Variants in ORC2 observed in about 807,000 individuals in gnomAD.
ORC2 encodes origin recognition complex subunit 2.
A neutral mutation model predicts 77.7 loss-of-function variants in ORC2; 37 were observed. The ratio of observed to expected loss-of-function variants is 0.48; its 90% CI spans 0.37 to 0.63. ORC2 has a LOEUF of 0.63. Among genes scored for constraint, ORC2 ranks in the 20% least tolerant of loss-of-function variants. The probability of loss-of-function intolerance (pLI) is 0.00; values close to 1 mark genes in which losing one functional copy is unlikely to be tolerated. For synonymous variants in ORC2, 201 were observed against 229.5 expected (o/e 0.88, Z 1.12); for missense variants, 557 against 661.9 (o/e 0.84, Z 1.74).
At chr2:200,933,103 C>T (rs969596441) in intron 10 of ORC2, among the ~76,000 whole-genome samples, 2 of 152,024 alleles carry the variant, frequency 1.3e-5, no homozygotes, top group East Asian at 3.8e-4. Context: ...ATCCGAGTCT[C>T]AATACCAATG....
Position 200,920,323 on chromosome 2 carries a change from A to T in ORC2, c.1365T>A (p.Thr455=). 1 of 1,613,684 alleles carries T rather than the reference A, an allele frequency of 6.2e-7. No homozygotes were observed. Among genetic ancestry groups the T allele is most frequent in the Non-Finnish European group, 8.5e-7 (1 of 1,179,638 alleles). Residue 455 remains threonine (T), a synonymous_variant, in exon 15 of 18, where the codon ACT becomes ACA. Transcript: ENST00000234296. ...WYETTTYSPY[T]EETSYENSLL... is the part of the protein sequence containing the mutation. ...GAGAGTTCTCATAGGAGGTTTCTTC[A>T]GTATAAGGACTGTATGTAGTAGTTT...
At chr2:200,955,624 AAC>A (rs1488713053) in intron 4 of ORC2, among the ~76,000 whole-genome samples, 1 of 152,226 alleles carries the variant, frequency 6.6e-6, no homozygotes, top group East Asian at 1.9e-4. Flanking sequence ...GTGAGAATAA[AAC>A]ACATGTACAT....
At chr2:200,947,578 AT>A (rs1243446646) in intron 5 of ORC2, among the ~76,000 whole-genome samples, 2 of 152,222 alleles carry the variant, frequency 1.3e-5, no homozygotes, top group African/African-American at 4.8e-5. Flanking sequence ...GATAATTATT[AT>A]ACTTTTGTTC....
intron 13 of ORC2, among the ~76,000 whole-genome samples, chr2:200,923,088 T>C (rs2040785854): frequency 6.6e-6 from 1 of 152,198 alleles, no homozygotes. Flanking sequence ...GTTTTAGGGT[T>C]CTGGGAAATA....
intron 1 of ORC2, among the ~76,000 whole-genome samples, chr2:200,961,258 C>A (rs1221794871): frequency 1.3e-5 from 2 of 152,156 alleles, no homozygotes; most frequent in African/African-American, 4.8e-5. Flanking sequence ...GATCTCAGCT[C>A]ACTGCAACAT....
intron 15 of ORC2, among the ~76,000 whole-genome samples, chr2:200,917,113 G>T (rs1343403927): frequency 6.7e-6 from 1 of 150,052 alleles, no homozygotes; most frequent in Non-Finnish European, 1.5e-5. Context: ...TCCCTCCTCA[G>T]CCTCCCAAGT....
chr2:200,949,149 G>A (rs535710625), intron 5 of ORC2, among the ~76,000 whole-genome samples: 10 of 151,876 alleles, frequency 6.6e-5, no homozygotes, highest in Non-Finnish European at 1.2e-4. Flanking sequence ...GCTGAGGCAG[G>A]AGAATTGCTT....
intron 11 of ORC2, among the ~76,000 whole-genome samples, chr2:200,927,142 GTGGCACTCTTGGCTCACTGCAA>G (rs2040852807): frequency 6.6e-6 from 1 of 151,744 alleles, no homozygotes; most frequent in South Asian, 2.1e-4. Context: ...CTGGAGTCCA[GTGGCACTCTTGGCTCACTGCAA>G]CCTCAGCCTC....
chr2:200,926,038 C>A, intron 12 of ORC2, 106 bp from the exon 13 acceptor site: 3 of 461,086 alleles, frequency 6.5e-6, no homozygotes, highest in South Asian at 3.4e-5. Flanking sequence ...TTTGGATTTC[C>A]CAAAAGTTTA....
chr2:200,947,511 G>A (rs1226367680), intron 5 of ORC2, among the ~76,000 whole-genome samples: 1 of 152,058 alleles, frequency 6.6e-6, no homozygotes, highest in Non-Finnish European at 1.5e-5. Flanking sequence ...ATATCCATAG[G>A]TGTTTTATAA....
intron 1 of ORC2, among the ~76,000 whole-genome samples, chr2:200,961,084 C>G (rs1453870098): frequency 6.6e-6 from 1 of 151,808 alleles, no homozygotes; most frequent in Non-Finnish European, 1.5e-5. Context: ...AGATTCCTAA[C>G]TTCCTGACCA....
chr2:200,928,544 T>C (rs2124967028), intron 11 of ORC2, among the ~76,000 whole-genome samples: 1 of 152,140 alleles, frequency 6.6e-6, no homozygotes, highest in South Asian at 2.1e-4. Flanking sequence ...CCAGGCGCAG[T>C]GGCTCACGCC....
chr2:200,914,766 AT>A, intron 15 of ORC2, among the ~76,000 whole-genome samples: 1 of 152,154 alleles, frequency 6.6e-6, no homozygotes, highest in Non-Finnish European at 1.5e-5. Context: ...ATATGAAAGT[AT>A]TTTTTTCTTA....
intron 15 of ORC2, among the ~76,000 whole-genome samples, chr2:200,915,382 C>A (rs901842214): frequency 6.6e-6 from 1 of 152,010 alleles, no homozygotes; most frequent in Non-Finnish European, 1.5e-5. Context: ...TACCATGTAC[C>A]ATAAACTTAC....
In ORC2 at chr2:200,913,994, TAAAAA is replaced by T; in HGVS notation, c.1467-7_1467-3del. Reference sequence around the variant, plus strand: ...TTTATTAGTAGCCTGAAAATTCCCCTAAAAAAAAAAAAAAACAGGAATTTAAATCC... The same window carrying T: ...TTTATTAGTAGCCTGAAAATTCCCCTAAAAAAAAAACAGGAATTTAAATCC... On this transcript the variant is annotated splice_polypyrimidine_tract_variant and splice_region_variant and intron_variant, in intron 15 of 17. Coordinates refer to ENST00000234296, the MANE Select transcript of ORC2 (RefSeq NM_006190.5). 5 of 1,289,982 alleles carry T rather than the reference TAAAAA, an allele frequency of 3.9e-6. No individual in the cohort carries two copies. The highest frequency in any genetic ancestry group is 5.3e-6 in the Non-Finnish European group (5 of 940,830). The allele number at this position is 1,289,982 out of a possible 1,614,324, so 79.9% of individuals were successfully genotyped here. A position where few individuals can be genotyped will look rare whatever the true frequency, so the allele number is the denominator to read the frequency against.
intron 1 of ORC2, 150 bp downstream of exon 1, chr2:200,963,339 GC>G: frequency 5.0e-6 from 2 of 397,690 alleles, no homozygotes; most frequent in Non-Finnish European, 8.9e-6. Context: ...CAAAGACCAT[GC>G]CCCAAGTGCC....
chr2:200,956,250 G>A (rs1204302420), intron 4 of ORC2, among the ~76,000 whole-genome samples: 1 of 150,824 alleles, frequency 6.6e-6, no homozygotes, highest in Non-Finnish European at 1.5e-5. Flanking sequence ...TTTTTTTTGA[G>A]ACAGGGTCTC....
At position 200,912,639 on chromosome 2, in the gene ORC2, C is replaced by T. The variant is rs187589829; in HGVS notation, c.1647+656G>A. Reference sequence around the variant, plus strand: ...GTCTCCTGTGTTGCCAGGCTGGTCTCGAACTCCTGGGCTCAAATGATCTAC... The same window carrying T: ...GTCTCCTGTGTTGCCAGGCTGGTCTTGAACTCCTGGGCTCAAATGATCTAC... On this transcript the variant is annotated intron_variant, in intron 17 of 17. Transcript: ENST00000234296. Among the ~76,000 whole-genome samples the T allele has an allele frequency of 2.6e-5, 4 of 151,818 alleles. No individual in the cohort carries two copies. The East Asian group carries it at 7.8e-4, about 30-fold the overall frequency.
intron 13 of ORC2, among the ~76,000 whole-genome samples, chr2:200,924,989 A>C (rs1230864724): frequency 1.3e-5 from 2 of 152,146 alleles, no homozygotes; most frequent in Non-Finnish European, 2.9e-5. Flanking sequence ...CGAACTCCTG[A>C]CCTCAGGTGA....
Sources: allele counts gnomAD v4.1 joint callset (sites outside exome capture counted in the v4.1 genomes callset), GRCh38; gene constraint gnomAD v4.1.1; transcripts MANE v1.5; gene names NCBI Gene and HGNC (gene_info 2026-07-23, HGNC 2026-07-21).